The following ZCWPW1 variants were observed in gnomAD, a reference collection of about 807,000 sequenced individuals.
ZCWPW1 encodes the protein zinc finger CW-type and PWWP domain containing 1, also known as zinc finger CW-type PWWP domain protein 1.
A neutral mutation model predicts 81.3 loss-of-function variants in ZCWPW1; 56 were observed. That is an observed-to-expected ratio of 0.69 (90% CI 0.56 to 0.86). The LOEUF is 0.86. ZCWPW1 is among the 40% of genes least tolerant of loss of function. The probability of loss-of-function intolerance (pLI) is 0.00; values close to 1 mark genes in which losing one functional copy is unlikely to be tolerated. For synonymous variants in ZCWPW1, 250 were observed against 273.7 expected (o/e 0.91, Z 0.86); for missense variants, 650 against 769.8 (o/e 0.84, Z 1.84).
At chr7:100,415,520 G>A (rs1228370476) in intron 8 of ZCWPW1, among the ~76,000 whole-genome samples, 2 of 152,072 alleles carry the variant, frequency 1.3e-5, no homozygotes, top group African/African-American at 4.8e-5. Flanking sequence ...AACCGCTAAT[G>A]GCTTCCTAAT....
chr7:100,426,526 C>A (rs867463264), intron 1 of ZCWPW1, among the ~76,000 whole-genome samples: 3 of 148,628 alleles, frequency 2.0e-5, no homozygotes, highest in South Asian at 2.1e-4. Flanking sequence ...TATTTCAAAT[C>A]TTTTTTAAGC....
At chr7:100,413,212 T>A (rs960141322) in intron 8 of ZCWPW1, among the ~76,000 whole-genome samples, 1 of 152,194 alleles carries the variant, frequency 6.6e-6, no homozygotes, top group African/African-American at 2.4e-5. Flanking sequence ...CACCAGTGGA[T>A]TCCCCCTGCA....
At position 100,420,685 on chromosome 7, in the gene ZCWPW1, G is replaced by GA. The variant is rs747631023; in HGVS notation, c.-29-8dup. On this transcript the variant is annotated splice_polypyrimidine_tract_variant and splice_region_variant and intron_variant, in intron 2 of 17. Transcript: ENST00000684423. ...AACTACGCTTTGTGTGCCTCTGTTA[G>GA]AAAAAAGAAATTAACTGCTATGACT... 2 of 1,611,892 alleles carry GA rather than the reference G, an allele frequency of 1.2e-6. No individual in the cohort carries two copies. Among genetic ancestry groups the GA allele is most frequent in the Admixed American group, 1.7e-5 (1 of 59,750 alleles).
chr7:100,415,990 C>T lies in ZCWPW1; in HGVS notation c.739G>A (p.Glu247Lys). 1 of 1,614,140 alleles carries T rather than the reference C, an allele frequency of 6.2e-7. No homozygotes were observed. The highest frequency in any genetic ancestry group is 8.5e-7 in the Non-Finnish European group (1 of 1,180,018). ...CTAAACTCACCAAAACCACTTATCT[C>T]TCCTTTTTGCTGGTCCCTGATCTGA... ...HSQIRDQQKGEISGFGQCLVW... is the reference protein window; with the variant it reads ...HSQIRDQQKGKISGFGQCLVW... The change falls in exon 8 of 18, where the codon GAG becomes AAG. Residue 247 changes from glutamate to lysine, a missense_variant. Transcript: ENST00000684423.
At chr7:100,428,263 C>T (rs971290576) in intron 1 of ZCWPW1, among the ~76,000 whole-genome samples, 19 of 152,186 alleles carry the variant, frequency 1.2e-4, no homozygotes, top group African/African-American at 4.3e-4. Flanking sequence ...AGAAAAGGCA[C>T]GAGGACGCCC....
chr7:100,424,025 G>A (rs1254838849), intron 2 of ZCWPW1, among the ~76,000 whole-genome samples: 7 of 148,460 alleles, frequency 4.7e-5, no homozygotes, highest in Admixed American at 2.0e-4. Context: ...AGCCAAGATC[G>A]CGCCATTGCA....
chr7:100,416,547 T>C (rs1314310384), intron 6 of ZCWPW1, 91 bp from the exon 7 acceptor site: 1 of 1,416,850 alleles, frequency 7.1e-7, no homozygotes, highest in Non-Finnish European at 9.7e-7. Context: ...GGAAGACAGA[T>C]GAATCCTAAG....
At position 100,401,034 on chromosome 7, in the gene ZCWPW1, C is replaced by G; in HGVS notation, c.1930G>C (p.Val644Leu). The change falls in exon 18 of 18, where the codon GTG becomes CTG. Residue 644 changes from valine to leucine, a missense_variant. Coordinates refer to ENST00000684423, the MANE Select transcript of ZCWPW1 (RefSeq NM_001386010.1). ...HSNSDGEDFPVALFGK is the reference protein window; with the variant it reads ...HSNSDGEDFPLALFGK ...ACCAGCTACTTCCCAAACAGCGCCA[C>G]GGGGAAGTCCTCGCCATCACTGTTG... 2 of 1,610,340 alleles carry G rather than the reference C, an allele frequency of 1.2e-6. No homozygotes were observed. The highest frequency in any genetic ancestry group is 1.7e-6 in the Non-Finnish European group (2 of 1,177,266).
At chr7:100,411,774 A>G (rs886369145) in intron 8 of ZCWPW1, among the ~76,000 whole-genome samples, 2 of 152,318 alleles carry the variant, frequency 1.3e-5, no homozygotes, top group Admixed American at 1.3e-4. Flanking sequence ...GTGAGTACTC[A>G]TAAGAAAATG....
Position 100,400,985 on chromosome 7 carries a change from G to C in ZCWPW1, c.*29C>G. 2 of 1,568,474 alleles carry C rather than the reference G, an allele frequency of 1.3e-6. No individual in the cohort carries two copies. Among genetic ancestry groups the C allele is most frequent in the South Asian group, 2.3e-5 (2 of 85,146 alleles). Reference sequence around the variant, plus strand: ...TCTCCCTCCTGCGCCCCAGAGAAGGGAGAAAAAGAGGGAGCAGAGGAGCAC... The same window carrying C: ...TCTCCCTCCTGCGCCCCAGAGAAGGCAGAAAAAGAGGGAGCAGAGGAGCAC... On this transcript the variant is annotated 3_prime_UTR_variant, in exon 18 of 18. Coordinates refer to ENST00000684423, the MANE Select transcript of ZCWPW1 (RefSeq NM_001386010.1).
chr7:100,421,878 G>C (rs951816174), intron 2 of ZCWPW1, among the ~76,000 whole-genome samples: 2 of 152,104 alleles, frequency 1.3e-5, no homozygotes, highest in African/African-American at 4.8e-5. Context: ...TTTTAGTAGA[G>C]ACGGAGTTTC....
intron 4 of ZCWPW1, 116 bp from the exon 5 acceptor site, chr7:100,419,305 CAG>C: frequency 1.1e-6 from 1 of 871,832 alleles, no homozygotes; most frequent in East Asian, 2.5e-5. Flanking sequence ...GGAAGGCATG[CAG>C]TCAGCATACC....
At position 100,419,186 on chromosome 7, in the gene ZCWPW1, T is replaced by G. The variant is rs760595791; in HGVS notation, c.286A>C (p.Lys96Gln). ...NKQAEKKEKE[K>Q]SSLTNAEFEE... ...AATTCTGCATTGGTAAGACTTGATT[T>G]TTCCTGCAGAGACAAGGGTAGGGGA... The change falls in exon 5 of 18, where the codon AAA becomes CAA. Residue 96 changes from lysine to glutamine, a missense_variant. Transcript: ENST00000684423. 1 of 1,612,818 alleles carries G rather than the reference T, an allele frequency of 6.2e-7. No homozygotes were observed. Among genetic ancestry groups the G allele is most frequent in the East Asian group, 2.2e-5 (1 of 44,772 alleles).
chr7:100,419,950 C>T, intron 3 of ZCWPW1, 67 bp from the exon 4 acceptor site: 2 of 1,297,244 alleles, frequency 1.5e-6, no homozygotes, highest in South Asian at 1.4e-5. Context: ...CAAACATTAC[C>T]CTTTGACTAG....
chr7:100,417,091 C>A lies in ZCWPW1; in HGVS notation c.454G>T (p.Ala152Ser), dbSNP rs772703835. ...CCATTAGCATTATCAGTATCAGTAGCAGAAGCAGTAATTCCTGGCTCCTTG... is the reference window on the plus strand; with the variant it reads ...CCATTAGCATTATCAGTATCAGTAGAAGAAGCAGTAATTCCTGGCTCCTTG... ...SDKEPGITAS[A>S]TDTDNANGEE... The change falls in exon 6 of 18, where the codon GCT becomes TCT. Residue 152 changes from alanine (A) to serine (S), a missense_variant. Coordinates refer to ENST00000684423, the MANE Select transcript of ZCWPW1 (RefSeq NM_001386010.1). 6.2e-7 allele frequency: 1 copy of A among 1,614,010 alleles called. No homozygotes were observed. Among genetic ancestry groups the A allele is most frequent in the Admixed American group, 1.7e-5 (1 of 59,996 alleles).
chr7:100,419,497 C>G, intron 4 of ZCWPW1, 133 bp downstream of exon 4: 2 of 1,442,944 alleles, frequency 1.4e-6, no homozygotes, highest in Non-Finnish European at 1.8e-6. Flanking sequence ...AAAAAGGAAG[C>G]CCTCAAAAAG....
At position 100,405,045 on chromosome 7, in the gene ZCWPW1, T is replaced by C. The variant is rs1792695811; in HGVS notation, c.1222A>G (p.Met408Val). ...CSQKLGVALM[M>V]AQEAEQISIQ... ...CTGATCTGTTCTGCCTCTTGAGCCATCATCAGGGCCACCCCCAGTTTCTGG... is the reference window on the plus strand; with the variant it reads ...CTGATCTGTTCTGCCTCTTGAGCCACCATCAGGGCCACCCCCAGTTTCTGG... The change falls in exon 13 of 18, where the codon ATG (methionine) becomes GTG (valine). Residue 408 changes from methionine to valine, a missense_variant. Physicochemically the swap from Met to Val is conservative, Grantham distance 21. Coordinates refer to ENST00000684423, the MANE Select transcript of ZCWPW1 (RefSeq NM_001386010.1). 6.2e-7 allele frequency: 1 copy of C among 1,613,528 alleles called. No individual in the cohort carries two copies. Among genetic ancestry groups the C allele is most frequent in the African/African-American group, 1.3e-5 (1 of 74,896 alleles).
rs753677532 is a variant in ZCWPW1 at position 100,407,344 on chromosome 7, G to A, written c.993-41C>T. 1.1e-5 allele frequency: 17 copies of A among 1,558,590 alleles called. No homozygotes were observed. In the African/African-American group the frequency reaches 2.0e-4, roughly 19 times the overall value. Reference sequence around the variant, plus strand: ...GGGTGTAGGGGACAGAAGAGAAGGGGTTAGATGAACAGAACACAACCTCAT... The same window carrying A: ...GGGTGTAGGGGACAGAAGAGAAGGGATTAGATGAACAGAACACAACCTCAT... On this transcript the variant is annotated intron_variant, in intron 10 of 17. Coordinates refer to ENST00000684423, the MANE Select transcript of ZCWPW1 (RefSeq NM_001386010.1).
At chr7:100,411,627 T>G (rs1794186313) in intron 8 of ZCWPW1, among the ~76,000 whole-genome samples, 1 of 152,098 alleles carries the variant, frequency 6.6e-6, no homozygotes, top group Non-Finnish European at 1.5e-5. Flanking sequence ...TAGTCTGAAA[T>G]GACAGTTGCC....
Sources: allele counts gnomAD v4.1 joint callset (sites outside exome capture counted in the v4.1 genomes callset), GRCh38; gene constraint gnomAD v4.1.1; transcripts MANE v1.5; gene names NCBI Gene and HGNC (gene_info 2026-07-23, HGNC 2026-07-21).